LVRN: variants seen among roughly 807,000 people sequenced by gnomAD.
LVRN encodes laeverin.
In LVRN, 99 loss-of-function variants were observed where a neutral mutation model predicts 111.4. The ratio of observed to expected loss-of-function variants is 0.89; its 90% CI spans 0.76 to 1.05. The LOEUF (loss-of-function observed/expected upper bound fraction) is 1.05, where lower values mean the gene tolerates loss of function less well. LVRN is among the 50% of genes least tolerant of loss of function. The pLI, the probability that LVRN is intolerant of heterozygous loss-of-function variation, is 0.00. For missense variants in LVRN, 1,414 were observed against 1,206.8 expected (o/e 1.17, Z -2.54); for synonymous variants, 488 against 449.5 (o/e 1.09, Z -1.08).
intron 6 of LVRN, among the ~76,000 whole-genome samples, chr5:115,998,496 C>T (rs1222944490): frequency 6.6e-6 from 1 of 152,070 alleles, no homozygotes; most frequent in Non-Finnish European, 1.5e-5. Context: ...ATGGTGGCGA[C>T]CTTAGGGTGC....
At chr5:116,003,931 C>T (rs570332966) in intron 12 of LVRN, among the ~76,000 whole-genome samples, 2 of 152,230 alleles carry the variant, frequency 1.3e-5, no homozygotes, top group African/African-American at 4.8e-5. Context: ...ACAACCTTTC[C>T]AGGTAAGAAT....
rs932447359 is a variant in LVRN at position 116,024,613 on chromosome 5, T to C, written c.2833-1365T>C. Among the ~76,000 whole-genome samples, 3 of 152,306 alleles carry C rather than the reference T, an allele frequency of 2.0e-5. No individual in the cohort carries two copies. In the South Asian group the frequency reaches 6.2e-4, roughly 32 times the overall value. ...TCAAGACTCAGTGTGTGTTTCTGTC[T>C]TCTAAAATTCGTTAGTTCAATCTTT... On this transcript the variant is annotated intron_variant, in intron 19 of 19. Transcript: ENST00000357872.
At position 115,963,152 on chromosome 5, in the gene LVRN, G is replaced by C. The variant is rs768804987; in HGVS notation, c.535G>C (p.Val179Leu). 21 of 1,613,116 alleles carry C rather than the reference G, an allele frequency of 1.3e-5. No individual in the cohort carries two copies. In the Admixed American group the frequency reaches 3.2e-4, roughly 24 times the overall value. ...AGTGGGCCGCGTGCCCGTGGACGAC[G>C]TGTGGTTCGCGCTGGACACGGAATA... ...ATVGRVPVDD[V>L]WFALDTEYMV... The change falls in exon 1 of 20, where the codon GTG becomes CTG. Residue 179 changes from valine to leucine, a missense_variant. By Grantham distance (32) the Val-to-Leu change is conservative. Coordinates refer to ENST00000357872, the MANE Select transcript of LVRN (RefSeq NM_173800.5).
chr5:115,979,130 G>A (rs1469214867), intron 1 of LVRN, among the ~76,000 whole-genome samples: 1 of 152,076 alleles, frequency 6.6e-6, no homozygotes, highest in Non-Finnish European at 1.5e-5. Flanking sequence ...ACTTTGTATG[G>A]TAGGGGACAC....
rs1465872865 is a variant in LVRN, at chr5:116,026,321, G to A, written c.*203G>A. 4.8e-6 allele frequency: 3 copies of A among 630,044 alleles called. No individual in the cohort carries two copies. The highest frequency in any genetic ancestry group is 6.3e-5 in the Admixed American group (2 of 31,836). The allele number at this position is 630,044 out of a possible 1,614,324, so 39.0% of individuals were successfully genotyped here. Reference sequence around the variant, plus strand: ...TGCTGACAATTTTGCCAATGCTGCTGTATTTCTGGGAAAGATGTCACTTCA... The same window carrying A: ...TGCTGACAATTTTGCCAATGCTGCTATATTTCTGGGAAAGATGTCACTTCA... On this transcript the variant is annotated 3_prime_UTR_variant, in exon 20 of 20. Coordinates refer to ENST00000357872, the MANE Select transcript of LVRN (RefSeq NM_173800.5).
chr5:116,023,348 A>T (rs747667995), intron 19 of LVRN: 1 of 152,180 alleles, frequency 6.6e-6, no homozygotes, highest in Non-Finnish European at 1.5e-5. Context: ...AATTTTTATT[A>T]GGCAGTCTTT....
In LVRN at chr5:116,026,532, A is replaced by G. The variant is rs1748871820; in HGVS notation, c.*414A>G. The G allele has an allele frequency of 4.5e-6, 1 of 221,286 alleles. No homozygotes were observed. Among genetic ancestry groups the G allele is most frequent in the African/African-American group, 2.4e-5 (1 of 42,154 alleles). The allele number at this position is 221,286 out of a possible 1,614,324, so 13.7% of individuals were successfully genotyped here. A position where few individuals can be genotyped will look rare whatever the true frequency, so the allele number is the denominator to read the frequency against. ...GGCCCTAGGGTTTATTTAGTTCAAC[A>G]TTGAAGATTGAAAAGACTAATGAGA... On this transcript the variant is annotated 3_prime_UTR_variant, in exon 20 of 20. Coordinates refer to ENST00000357872, the MANE Select transcript of LVRN (RefSeq NM_173800.5).
chr5:116,026,736 C>T lies in LVRN; in HGVS notation c.*618C>T, dbSNP rs909984968. Reference sequence around the variant, plus strand: ...CCACAGTACATCCTGCATTGAACCACGTGTTGCTGGTTACTAAACTTTATG... The same window carrying T: ...CCACAGTACATCCTGCATTGAACCATGTGTTGCTGGTTACTAAACTTTATG... On this transcript the variant is annotated 3_prime_UTR_variant, in exon 20 of 20. Coordinates refer to ENST00000357872, the MANE Select transcript of LVRN (RefSeq NM_173800.5). 7 of 153,122 alleles carry T rather than the reference C, an allele frequency of 4.6e-5. No homozygotes were observed. Among genetic ancestry groups the T allele is most frequent in the Admixed American group, 3.9e-4 (6 of 15,306 alleles). 9.5% of individuals were successfully genotyped at this position (153,122 alleles called of 1,614,324 possible).
rs769435558 is a variant in LVRN, at chr5:115,992,246, C to T, written c.1229C>T (p.Ser410Phe). 1 of 1,613,858 alleles carries T rather than the reference C, an allele frequency of 6.2e-7. No individual in the cohort carries two copies. Among genetic ancestry groups the T allele is most frequent in the Non-Finnish European group, 8.5e-7 (1 of 1,179,884 alleles). ...CTGACAGAAAAAAAGACTCTGATCT[C>T]CTATGTTGTCTCCCACGAGATTGGA... ...DQLTEKKTLI[S>F]YVVSHEIGHQ... The change falls in exon 5 of 20, where the codon TCC (serine) becomes TTC (phenylalanine). Residue 410 changes from serine (S) to phenylalanine (F), a missense_variant. Coordinates refer to ENST00000357872, the MANE Select transcript of LVRN (RefSeq NM_173800.5).
chr5:115,999,517 T>G (rs563969052), intron 6 of LVRN, among the ~76,000 whole-genome samples: 1 of 152,322 alleles, frequency 6.6e-6, no homozygotes, highest in East Asian at 1.9e-4. Context: ...GAAACCACAT[T>G]AACTTTGTAA....
At chr5:116,020,812 G>A (rs1343896058) in intron 18 of LVRN, among the ~76,000 whole-genome samples, 8 of 152,180 alleles carry the variant, frequency 5.3e-5, no homozygotes, top group Admixed American at 2.0e-4. Context: ...AGAAGAAGGA[G>A]AGGCAGAAAG....
At chr5:115,997,911 G>A (rs2112596465) in intron 6 of LVRN, among the ~76,000 whole-genome samples, 1 of 152,246 alleles carries the variant, frequency 6.6e-6, no homozygotes, top group African/African-American at 2.4e-5. Context: ...AGAGGTGTTT[G>A]CCTCATTCAT....
intron 1 of LVRN, among the ~76,000 whole-genome samples, chr5:115,977,435 T>G (rs1301106648): frequency 6.6e-6 from 1 of 152,198 alleles, no homozygotes; most frequent in Non-Finnish European, 1.5e-5. Context: ...TTGTCTTATG[T>G]CTGAAATAGT....
At chr5:115,980,684 C>G (rs967375587) in intron 1 of LVRN, among the ~76,000 whole-genome samples, 20 of 152,114 alleles carry the variant, frequency 1.3e-4, no homozygotes, top group Non-Finnish European at 2.6e-4. Flanking sequence ...GAGGTCATGG[C>G]AGCTGAGAAC....
intron 6 of LVRN, among the ~76,000 whole-genome samples, chr5:115,997,418 C>T (rs188199801): frequency 6.6e-6 from 1 of 152,268 alleles, no homozygotes; most frequent in East Asian, 1.9e-4. Context: ...GATCCCAACA[C>T]TTTGGGAGGC....
intron 4 of LVRN, among the ~76,000 whole-genome samples, chr5:115,989,333 A>G (rs149181172): frequency 8.6e-5 from 13 of 151,936 alleles, no homozygotes; most frequent in African/African-American, 3.1e-4. Flanking sequence ...CTATGCATTC[A>G]CCTTCCTCTT....
chr5:115,999,327 T>G (rs942136372), intron 6 of LVRN, among the ~76,000 whole-genome samples: 1 of 152,200 alleles, frequency 6.6e-6, no homozygotes. Context: ...ATCAGCATCT[T>G]TGTGAGTTTG....
Position 115,962,731 on chromosome 5 carries a change from C to T in LVRN, c.114C>T (p.Gly38=). The part of the protein sequence containing the change: ...LALAVLAALY[G]HCERVPPSEL... Reference sequence around the variant, plus strand: ...TGGCCGTACTCGCCGCCTTGTACGGCCACTGCGAGCGCGTCCCACCGTCGG... The same window carrying T: ...TGGCCGTACTCGCCGCCTTGTACGGTCACTGCGAGCGCGTCCCACCGTCGG... Residue 38 remains glycine, a synonymous_variant, in exon 1 of 20, where the codon GGC becomes GGT. Transcript: ENST00000357872. 6.2e-7 allele frequency: 1 copy of T among 1,612,140 alleles called. No individual in the cohort carries two copies. The highest frequency in any genetic ancestry group is 2.2e-5 in the East Asian group (1 of 44,842).
rs559992319 is a variant in LVRN at position 115,963,452 on chromosome 5, C to G, written c.695+140C>G. ...ATCCCCTTGCGACGTTTTCTTTTTT[C>G]TTTTTATTTATTTATTTTATTATAC... On this transcript the variant is annotated intron_variant, in intron 1 of 19. Coordinates refer to ENST00000357872, the MANE Select transcript of LVRN (RefSeq NM_173800.5). 5.0e-6 allele frequency: 3 copies of G among 594,804 alleles called. No homozygotes were observed. In the African/African-American group the frequency reaches 5.6e-5, roughly 11 times the overall value. The allele number at this position is 594,804 out of a possible 1,614,324, so 36.8% of individuals were successfully genotyped here.
Sources: gnomAD v4.1 joint callset for allele counts (sites outside exome capture counted in the v4.1 genomes callset) on GRCh38, gnomAD v4.1.1 for gene constraint, MANE v1.5 for transcripts, NCBI Gene and HGNC (gene_info 2026-07-23, HGNC 2026-07-21) for gene names.